Variants in HENMT1 observed in about 807,000 individuals in gnomAD.
The protein encoded by HENMT1 is HEN methyltransferase 1.
Under a neutral mutation model 31.1 loss-of-function variants are expected in HENMT1, and 27 were observed. The observed-to-expected ratio is 0.87, with a 90% CI of 0.64 to 1.20. The LOEUF (loss-of-function observed/expected upper bound fraction) is 1.20, where lower values mean the gene tolerates loss of function less well. HENMT1 is among the 50% of genes most tolerant of loss of function. The pLI is 0.00. For missense variants in HENMT1, 438 were observed against 469.6 expected (o/e 0.93, Z 0.62); for synonymous variants, 167 against 172.2 (o/e 0.97, Z 0.24).
chr1:108,651,301 T>A, intron 5 of HENMT1, 92 bp from the exon 6 acceptor site: 3 of 1,033,672 alleles, frequency 2.9e-6, no homozygotes, highest in South Asian at 3.1e-5. Flanking sequence ...TCCATCTGTG[T>A]ATCGATTTCT....
At chr1:108,650,071 G>T in intron 7 of HENMT1, 140 bp downstream of exon 7, 2 of 778,556 alleles carry the variant, frequency 2.6e-6, no homozygotes, top group Non-Finnish European at 4.5e-6. Flanking sequence ...TAGTCATGGG[G>T]CCTGAAGAAT....
intron 4 of HENMT1, among the ~76,000 whole-genome samples, 189 bp downstream of exon 4, chr1:108,655,397 A>G (rs535855564): frequency 6.6e-6 from 1 of 152,338 alleles, no homozygotes; most frequent in Admixed American, 6.5e-5. Flanking sequence ...AATTGAGGCT[A>G]TTCTTTAAGT....
intron 7 of HENMT1, chr1:108,649,451 AAAAAC>A (rs1187758725): frequency 6.8e-6 from 3 of 443,182 alleles, no homozygotes; most frequent in African/African-American, 2.0e-5. Context: ...AAAAAAAACA[AAAAAC>A]AAAACAAAAA....
chr1:108,655,055 A>C (rs540893715), intron 4 of HENMT1, among the ~76,000 whole-genome samples: 1 of 152,340 alleles, frequency 6.6e-6, no homozygotes, highest in East Asian at 1.9e-4. Flanking sequence ...CAATGAAAAA[A>C]AGACTGAATA....
In HENMT1 at chr1:108,651,032, G is replaced by T. The variant is rs188881078; in HGVS notation, c.576C>A (p.Thr192=). ...AACAAAAACCCTTCTGAACTTACCA[G>T]GTCTGAAACTCCATTCTGGTCCACT... ...KFEWTRMEFQ[T]WALYVANRYD... The change falls in exon 6 of 8, where the codon ACC becomes ACA. Residue 192 remains threonine (T), a splice_region_variant and synonymous_variant. Coordinates refer to ENST00000651461, the MANE Select transcript of HENMT1 (RefSeq NM_001102592.2). 5 of 1,610,120 alleles carry T rather than the reference G, an allele frequency of 3.1e-6. No homozygotes were observed. The Admixed American group carries it at 8.4e-5, about 27-fold the overall frequency.
intron 2 of HENMT1, among the ~76,000 whole-genome samples, chr1:108,658,925 G>C (rs1002178824): frequency 1.3e-5 from 2 of 152,152 alleles, no homozygotes; most frequent in African/African-American, 4.8e-5. Context: ...ATCTGATGTA[G>C]CACTGTCCAA....
At chr1:108,659,781 C>A in intron 2 of HENMT1, 83 bp downstream of exon 2, 1 of 877,394 alleles carries the variant, frequency 1.1e-6, no homozygotes, top group South Asian at 1.5e-5. Context: ...TAAATGTGAT[C>A]AATTTTGTTT....
At chr1:108,654,595 A>C in intron 5 of HENMT1, 121 bp downstream of exon 5, 1 of 937,822 alleles carries the variant, frequency 1.1e-6, no homozygotes, top group Non-Finnish European at 1.6e-6. Flanking sequence ...AGATATTCCC[A>C]ACCAATGAGC....
intron 5 of HENMT1, among the ~76,000 whole-genome samples, chr1:108,653,729 G>GA (rs1285397238): frequency 3.3e-5 from 5 of 152,126 alleles, no homozygotes; most frequent in African/African-American, 1.2e-4. Flanking sequence ...TGTCTTTTGA[G>GA]AAATATCTGT....
intron 2 of HENMT1, 106 bp downstream of exon 2, chr1:108,659,758 A>G (rs1658385517): frequency 1.5e-6 from 1 of 688,862 alleles, no homozygotes. Flanking sequence ...ACACCCCGGG[A>G]AATGCTAGGA....
rs796472509 is a variant in HENMT1 at position 108,653,032 on chromosome 1, C to CTT, written c.398+1682_398+1683dup. Among the ~76,000 whole-genome samples, 812 of 143,060 alleles carry CTT rather than the reference C, an allele frequency of 5.7e-3. 10 individuals are homozygous for CTT. The highest frequency in any genetic ancestry group is 0.02 in the African/African-American group (769 of 39,160). The allele number at this position is 143,060 out of a possible 152,430, so 93.9% of individuals were successfully genotyped here. A position where few individuals can be genotyped will look rare whatever the true frequency, so the allele number is the denominator to read the frequency against. On this transcript the variant is annotated intron_variant, in intron 5 of 7. Transcript: ENST00000651461. The stretch of plus-strand genomic sequence containing the variant: ...AGTATTCCATTGTGCATATACATCC[C>CTT]TTTTTTTTTTTTGAGACGGAGTTTT...
chr1:108,661,343 G>C (rs1327273087), upstream of HENMT1: 1 of 152,258 alleles, frequency 6.6e-6, no homozygotes, highest in African/African-American at 2.4e-5. Context: ...TCCGAACCTT[G>C]GCGAGGACCC....
intron 1 of HENMT1, 98 bp from the exon 2 acceptor site, chr1:108,660,060 C>A: frequency 9.7e-6 from 4 of 412,630 alleles, no homozygotes; most frequent in Non-Finnish European, 1.7e-5. Flanking sequence ...TTACTCCTTA[C>A]TACAGTATAT....
chr1:108,654,701 CAGTTTA>C lies in HENMT1; in HGVS notation c.398+9_398+14del. 2.5e-6 allele frequency: 4 copies of C among 1,613,192 alleles called. No homozygotes were observed. The highest frequency in any genetic ancestry group is 3.4e-6 in the Non-Finnish European group (4 of 1,179,224). ...TCAAATGAACAGTTATACAGTGTATCAGTTTAAAACTTACAATTCAATACACGTTAT... is the reference window on the plus strand; with the variant it reads ...TCAAATGAACAGTTATACAGTGTATCAAACTTACAATTCAATACACGTTAT... On this transcript the variant is annotated intron_variant, in intron 5 of 7. Coordinates refer to ENST00000651461, the MANE Select transcript of HENMT1 (RefSeq NM_001102592.2).
In HENMT1 at chr1:108,648,530, C is replaced by T. The variant is rs772436169; in HGVS notation, c.*36G>A. Reference sequence around the variant, plus strand: ...CTAAATTCTAAGTGAGCACAACTATCGCTGAGACCCTGAAATTTCAGGAAA... The same window carrying T: ...CTAAATTCTAAGTGAGCACAACTATTGCTGAGACCCTGAAATTTCAGGAAA... On this transcript the variant is annotated 3_prime_UTR_variant, in exon 8 of 8. Coordinates refer to ENST00000651461, the MANE Select transcript of HENMT1 (RefSeq NM_001102592.2). 7.7e-6 allele frequency: 12 copies of T among 1,564,646 alleles called. No homozygotes were observed. Among genetic ancestry groups the T allele is most frequent in the East Asian group, 2.3e-5 (1 of 44,286 alleles).
rs558780392 is a variant in HENMT1 at position 108,654,968 on chromosome 1, C to T, written c.264-118G>A. On this transcript the variant is annotated intron_variant, in intron 4 of 7. Transcript: ENST00000651461. ...TACCTCTATTGATATAAGTCTGACA[C>T]AGCCTGTTTTCCTTGTCTTGACATA... The T allele has an allele frequency of 2.7e-5, 28 of 1,037,406 alleles. No individual in the cohort carries two copies. The East Asian group carries it at 6.8e-4, about 25-fold the overall frequency. The allele number at this position is 1,037,406 out of a possible 1,614,324, so 64.3% of individuals were successfully genotyped here. A position where few individuals can be genotyped will look rare whatever the true frequency, so the allele number is the denominator to read the frequency against.
intron 3 of HENMT1, among the ~76,000 whole-genome samples, chr1:108,656,095 T>G (rs1171308627): frequency 6.6e-6 from 1 of 152,144 alleles, no homozygotes; most frequent in Non-Finnish European, 1.5e-5. Context: ...TTTCTAAAAC[T>G]TAGCTTTCAC....
At chr1:108,652,961 C>T (rs1315185312) in intron 5 of HENMT1, among the ~76,000 whole-genome samples, 2 of 151,932 alleles carry the variant, frequency 1.3e-5, no homozygotes, top group Non-Finnish European at 2.9e-5. Context: ...ACTTAATGCC[C>T]TCCAGGTTCA....
chr1:108,657,497 C>T lies in HENMT1; in HGVS notation c.104G>A (p.Arg35Gln), dbSNP rs1345351239. The T allele has an allele frequency of 1.9e-6, 3 of 1,610,896 alleles. No individual in the cohort carries two copies. Among genetic ancestry groups the T allele is most frequent in the Non-Finnish European group, 2.5e-6 (3 of 1,177,398 alleles). ...IQFKPPLYRQRYQFVKNLVDQ... is the reference protein window; with the variant it reads ...IQFKPPLYRQQYQFVKNLVDQ... Reference sequence around the variant, plus strand: ...CACTAAATTTTTAACGAACTGGTACCGCTGTCTGTATAGTGGAGGTTTAAA... The same window carrying T: ...CACTAAATTTTTAACGAACTGGTACTGCTGTCTGTATAGTGGAGGTTTAAA... The change falls in exon 3 of 8, where the codon CGG (arginine) becomes CAG (glutamine). Residue 35 changes from arginine to glutamine, a missense_variant. Arg to Gln is a conservative substitution (Grantham distance 43). Coordinates refer to ENST00000651461, the MANE Select transcript of HENMT1 (RefSeq NM_001102592.2).
Sources: allele counts gnomAD v4.1 joint callset (sites outside exome capture counted in the v4.1 genomes callset), GRCh38; gene constraint gnomAD v4.1.1; transcripts MANE v1.5; gene names NCBI Gene and HGNC (gene_info 2026-07-23, HGNC 2026-07-21).